The following IMMP2L variants were observed in gnomAD, a reference collection of about 807,000 sequenced individuals.
IMMP2L encodes the protein inner mitochondrial membrane peptidase subunit 2.
In IMMP2L, 18 loss-of-function variants were observed where a neutral mutation model predicts 19.3. The observed-to-expected ratio is 0.93, with a 90% CI of 0.64 to 1.38. IMMP2L has a LOEUF of 1.38. Ranked by LOEUF, IMMP2L falls within the 40% of genes most tolerant of loss-of-function variation. The pLI, the probability that IMMP2L is intolerant of heterozygous loss-of-function variation, is 0.00. For missense variants in IMMP2L, 233 were observed against 218.2 expected (o/e 1.07, Z -0.43); for synonymous variants, 76 against 73.0 (o/e 1.04, Z -0.21).
chr7:111,400,164 A>G (rs1366123446), intron 3 of IMMP2L, among the ~76,000 whole-genome samples: 1 of 152,114 alleles, frequency 6.6e-6, no homozygotes, highest in African/African-American at 2.4e-5. Flanking sequence ...AAAGAATTTC[A>G]GAAGAACTAT....
intron 3 of IMMP2L, among the ~76,000 whole-genome samples, chr7:111,257,366 C>T (rs1816828370): frequency 6.6e-6 from 1 of 152,124 alleles, no homozygotes; most frequent in South Asian, 2.1e-4. Flanking sequence ...CTAAATTAAA[C>T]ATTTTCCGCT....
At chr7:111,241,299 A>T (rs1756535085) in intron 3 of IMMP2L, among the ~76,000 whole-genome samples, 1 of 152,026 alleles carries the variant, frequency 6.6e-6, no homozygotes, top group South Asian at 2.1e-4. Flanking sequence ...ATCTTTACCC[A>T]AAAAAGGTCA....
At chr7:111,339,444 T>C (rs1351367812) in intron 3 of IMMP2L, among the ~76,000 whole-genome samples, 1 of 151,830 alleles carries the variant, frequency 6.6e-6, no homozygotes, top group Non-Finnish European at 1.5e-5. Flanking sequence ...ATACACCTAA[T>C]ACCCTACATA....
At chr7:110,941,048 A>C (rs918965407) in intron 4 of IMMP2L, among the ~76,000 whole-genome samples, 1 of 152,196 alleles carries the variant, frequency 6.6e-6, no homozygotes, top group Non-Finnish European at 1.5e-5. Flanking sequence ...TATGCTCAGC[A>C]TAATCAGTGA....
At chr7:111,033,164 A>C (rs1791004729) in intron 3 of IMMP2L, among the ~76,000 whole-genome samples, 1 of 152,228 alleles carries the variant, frequency 6.6e-6, no homozygotes, top group African/African-American at 2.4e-5. Flanking sequence ...AATAAAAATA[A>C]GAATGGGCAA....
intron 3 of IMMP2L, among the ~76,000 whole-genome samples, chr7:111,116,633 CTA>C (rs1799912079): frequency 6.6e-6 from 1 of 152,052 alleles, no homozygotes. Context: ...TTGTGAGAAA[CTA>C]AGATTCAGAG....
intron 4 of IMMP2L, among the ~76,000 whole-genome samples, chr7:110,939,694 T>A (rs1379146526): frequency 1.3e-5 from 2 of 152,204 alleles, no homozygotes; most frequent in African/African-American, 4.8e-5. Context: ...AGCAGTCATC[T>A]AGGCTGGCAG....
chr7:111,537,073 C>G (rs992144588), intron 1 of IMMP2L, among the ~76,000 whole-genome samples: 2 of 152,054 alleles, frequency 1.3e-5, no homozygotes, highest in Admixed American at 1.3e-4. Flanking sequence ...TACTGAATAT[C>G]TGCTAAGTGC....
intron 3 of IMMP2L, among the ~76,000 whole-genome samples, chr7:111,169,947 A>G (rs1268975572): frequency 6.6e-6 from 1 of 151,820 alleles, no homozygotes; most frequent in African/African-American, 2.4e-5. Context: ...TTAACTTCCT[A>G]TATTAGATTT....
At chr7:111,497,548 G>A (rs556047590) in intron 2 of IMMP2L, among the ~76,000 whole-genome samples, 14 of 151,940 alleles carry the variant, frequency 9.2e-5, no homozygotes, top group Admixed American at 5.3e-4. Flanking sequence ...TGAAAAATGC[G>A]ACATAGAAAA....
intron 4 of IMMP2L, 50 bp from the exon 5 acceptor site, chr7:110,886,745 A>G (rs1459403626): frequency 9.4e-6 from 8 of 847,532 alleles, no homozygotes; most frequent in African/African-American, 1.7e-5. Context: ...AAGAGATCAA[A>G]CTGCTGGGCA....
intron 3 of IMMP2L, among the ~76,000 whole-genome samples, chr7:110,989,640 A>T (rs1407086206): frequency 6.6e-6 from 1 of 150,382 alleles, no homozygotes; most frequent in Non-Finnish European, 1.5e-5. Context: ...ATAAATATTT[A>T]TTGTACTTAT....
intron 3 of IMMP2L, among the ~76,000 whole-genome samples, chr7:111,256,637 C>G (rs1157571606): frequency 6.6e-6 from 1 of 152,002 alleles, no homozygotes; most frequent in African/African-American, 2.4e-5. Flanking sequence ...GAGGACCATG[C>G]TGCCTAGAGA....
intron 3 of IMMP2L, among the ~76,000 whole-genome samples, chr7:111,090,049 C>A (rs1796695757): frequency 6.6e-6 from 1 of 151,866 alleles, no homozygotes; most frequent in African/African-American, 2.4e-5. Context: ...TCATGACTAG[C>A]CTGCTTTTGA....
At chr7:110,721,889 AAGAG>A (rs1291167378) in intron 5 of IMMP2L, among the ~76,000 whole-genome samples, 1 of 152,086 alleles carries the variant, frequency 6.6e-6, no homozygotes, top group Admixed American at 6.6e-5. Context: ...AGAGAGAAGA[AAGAG>A]AGAGAAAGAG....
At chr7:111,377,901 A>C (rs1830832591) in intron 3 of IMMP2L, among the ~76,000 whole-genome samples, 1 of 152,050 alleles carries the variant, frequency 6.6e-6, no homozygotes, top group Admixed American at 6.6e-5. Context: ...GTATTAATGT[A>C]CCATAATTGA....
chr7:110,745,198 G>C (rs1391824672), intron 5 of IMMP2L, among the ~76,000 whole-genome samples: 1 of 152,170 alleles, frequency 6.6e-6, no homozygotes, highest in Non-Finnish European at 1.5e-5. Context: ...AACAAGATTA[G>C]AGAAACAAGA....
chr7:111,074,169 C>T (rs988852418), intron 3 of IMMP2L, among the ~76,000 whole-genome samples: 15 of 152,110 alleles, frequency 9.9e-5, no homozygotes, highest in Non-Finnish European at 2.1e-4. Flanking sequence ...TAAATAAGGT[C>T]CAGACAGGTT....
intron 3 of IMMP2L, among the ~76,000 whole-genome samples, chr7:111,145,649 T>A (rs993224883): frequency 6.6e-6 from 1 of 152,098 alleles, no homozygotes; most frequent in Non-Finnish European, 1.5e-5. Flanking sequence ...TCCCACTTGC[T>A]CTCAAGTGTC....
Sources: allele counts gnomAD v4.1 joint callset (sites outside exome capture counted in the v4.1 genomes callset), GRCh38; gene constraint gnomAD v4.1.1; transcripts MANE v1.5; gene names NCBI Gene and HGNC (gene_info 2026-07-23, HGNC 2026-07-21).